PTPRD: variants seen among roughly 807,000 people sequenced by gnomAD.
PTPRD encodes the protein protein tyrosine phosphatase receptor type D, also known as receptor-type tyrosine-protein phosphatase delta.
In PTPRD, 34 loss-of-function variants were observed where a neutral mutation model predicts 214.5. The observed-to-expected ratio is 0.16, with a 90% CI of 0.12 to 0.21. The LOEUF is 0.21. Among genes scored for constraint, PTPRD ranks in the 10% least tolerant of loss-of-function variants. PTPRD has a pLI of 1.00. For synonymous variants in PTPRD, 1,128 were observed against 845.7 expected, an observed-to-expected ratio of 1.33 and a Z score of -5.79; for missense variants, 2,545 against 2,398.7, an observed-to-expected ratio of 1.06 and a Z score of -1.27.
intron 2 of PTPRD, among the ~76,000 whole-genome samples, chr9:10,393,018 G>A (rs867427216): frequency 1.3e-5 from 2 of 151,726 alleles, no homozygotes; most frequent in African/African-American, 4.8e-5. Context: ...TTTCCATTGT[G>A]AGCCATATTC....
At chr9:10,162,789 C>A (rs986699211) in intron 3 of PTPRD, among the ~76,000 whole-genome samples, 10 of 148,208 alleles carry the variant, frequency 6.7e-5, no homozygotes, top group African/African-American at 2.2e-4. Context: ...GCCTTGATCA[C>A]CCCTCAATAT....
At chr9:9,386,271 C>T (rs2063837069) in intron 9 of PTPRD, among the ~76,000 whole-genome samples, 1 of 152,088 alleles carries the variant, frequency 6.6e-6, no homozygotes. Context: ...GACTCATGAA[C>T]CACATGGGGA....
chr9:8,903,232 T>A (rs933098440), intron 11 of PTPRD, among the ~76,000 whole-genome samples: 1 of 152,118 alleles, frequency 6.6e-6, no homozygotes, highest in African/African-American at 2.4e-5. Flanking sequence ...ACGCCGAGGC[T>A]TGGGATATGA....
chr9:8,778,920 C>A (rs2154492551), intron 11 of PTPRD, among the ~76,000 whole-genome samples: 1 of 151,938 alleles, frequency 6.6e-6, no homozygotes, highest in East Asian at 1.9e-4. Context: ...GTTTTATTAC[C>A]ACCACCAAGA....
intron 2 of PTPRD, among the ~76,000 whole-genome samples, chr9:10,452,084 CTTCAAG>C (rs1454520595): frequency 6.6e-6 from 1 of 151,940 alleles, no homozygotes; most frequent in African/African-American, 2.4e-5. Context: ...GTAGAAGAAG[CTTCAAG>C]TTCAAGAGCA....
intron 4 of PTPRD, among the ~76,000 whole-genome samples, chr9:9,966,355 T>G (rs1459209976): frequency 6.6e-6 from 1 of 152,202 alleles, no homozygotes; most frequent in Non-Finnish European, 1.5e-5. Context: ...TTATTTTTCT[T>G]TTTGACACAT....
At chr9:10,378,133 AGT>A (rs1357350502) in intron 2 of PTPRD, among the ~76,000 whole-genome samples, 3 of 151,994 alleles carry the variant, frequency 2.0e-5, no homozygotes, top group Non-Finnish European at 2.9e-5. Context: ...GTATTATTGC[AGT>A]TTTGATTTGC....
At chr9:10,231,238 T>C (rs1311782028) in intron 3 of PTPRD, among the ~76,000 whole-genome samples, 2 of 151,214 alleles carry the variant, frequency 1.3e-5, no homozygotes, top group Non-Finnish European at 2.9e-5. Context: ...TGGAAGAATA[T>C]ATGAAATAAT....
rs184411745 is a variant in PTPRD, at chr9:9,535,586, C to T, written c.-237+39146G>A. ...AACAGATTTATTTTTTTAAAAGCAG[C>T]CAATGTGGTGAAAATATTTTTTTTC... On this transcript the variant is annotated intron_variant, in intron 8 of 45. Coordinates refer to ENST00000381196, the MANE Select transcript of PTPRD (RefSeq NM_002839.4). Among the ~76,000 whole-genome samples, 4 of 152,034 alleles carry T rather than the reference C, an allele frequency of 2.6e-5. No individual in the cohort carries two copies. In the East Asian group the frequency reaches 5.8e-4, roughly 22 times the overall value.
chr9:9,581,644 A>G (rs1000580256), intron 7 of PTPRD, among the ~76,000 whole-genome samples: 9 of 152,136 alleles, frequency 5.9e-5, no homozygotes, highest in African/African-American at 2.2e-4. Flanking sequence ...GGGAAAAAAA[A>G]TACCCCGTGT....
At chr9:9,393,486 C>G (rs2066614676) in intron 9 of PTPRD, among the ~76,000 whole-genome samples, 1 of 152,104 alleles carries the variant, frequency 6.6e-6, no homozygotes, top group South Asian at 2.1e-4. Context: ...ACTGAGACCT[C>G]CAGTTAATCT....
chr9:10,329,119 G>C (rs1420585993), intron 3 of PTPRD, among the ~76,000 whole-genome samples: 1 of 151,746 alleles, frequency 6.6e-6, no homozygotes, highest in African/African-American at 2.4e-5. Context: ...GAATATGAGA[G>C]TTGCCTATGA....
chr9:9,534,233 T>A (rs1362779241), intron 8 of PTPRD, among the ~76,000 whole-genome samples: 2 of 152,148 alleles, frequency 1.3e-5, no homozygotes, highest in African/African-American at 2.4e-5. Context: ...TGAGAAATAT[T>A]ATAGATATTC....
intron 3 of PTPRD, among the ~76,000 whole-genome samples, chr9:10,224,169 G>A (rs1329094088): frequency 6.6e-6 from 1 of 151,818 alleles, no homozygotes; most frequent in Non-Finnish European, 1.5e-5. Flanking sequence ...TCTGTTTGTT[G>A]AATGCTTACA....
At chr9:9,602,130 A>G (rs144623027) in intron 7 of PTPRD, among the ~76,000 whole-genome samples, 25 of 152,170 alleles carry the variant, frequency 1.6e-4, no homozygotes, top group African/African-American at 5.8e-4. Flanking sequence ...AAAGCAGACA[A>G]CATTGTTCAC....
chr9:10,278,760 G>A (rs1482631925), intron 3 of PTPRD, among the ~76,000 whole-genome samples: 1 of 150,122 alleles, frequency 6.7e-6, no homozygotes, highest in East Asian at 1.9e-4. Context: ...TGTGGTAAAA[G>A]GTTTTTTTTT....
intron 4 of PTPRD, among the ~76,000 whole-genome samples, chr9:9,993,945 A>G (rs995150236): frequency 2.6e-5 from 4 of 152,348 alleles, no homozygotes; most frequent in Non-Finnish European, 5.9e-5. Flanking sequence ...GAGTACTACT[A>G]CTGCTACTTG....
chr9:8,397,994 T>G (rs2091592793), intron 36 of PTPRD, among the ~76,000 whole-genome samples: 1 of 152,154 alleles, frequency 6.6e-6, no homozygotes, highest in Non-Finnish European at 1.5e-5. Context: ...ATGGGTCTGG[T>G]TTCCATTTAT....
At chr9:8,538,652 C>A (rs2077554331) in intron 14 of PTPRD, among the ~76,000 whole-genome samples, 1 of 151,030 alleles carries the variant, frequency 6.6e-6, no homozygotes, top group Non-Finnish European at 1.5e-5. Flanking sequence ...TATACATATA[C>A]TATACATATT....
Sources: gnomAD v4.1 joint callset for allele counts (sites outside exome capture counted in the v4.1 genomes callset) on GRCh38, gnomAD v4.1.1 for gene constraint, MANE v1.5 for transcripts, NCBI Gene and HGNC (gene_info 2026-07-23, HGNC 2026-07-21) for gene names.